Variants in ZFYVE9 observed in about 807,000 individuals in gnomAD.
ZFYVE9 encodes the protein zinc finger FYVE domain-containing protein 9.
Under a neutral mutation model 126.7 loss-of-function variants are expected in ZFYVE9, and 43 were observed. The observed-to-expected ratio is 0.34, with a 90% confidence interval of 0.27 to 0.44. The LOEUF is 0.44. Ranked by LOEUF, ZFYVE9 falls within the 20% of genes least tolerant of loss-of-function variation. The pLI, the probability that ZFYVE9 is intolerant of heterozygous loss-of-function variation, is 1.00. For synonymous variants in ZFYVE9, 521 were observed against 597.4 expected (o/e 0.87, Z 1.87); for missense variants, 1,476 against 1,697.0 (o/e 0.87, Z 2.29).
At chr1:52,254,150 A>G (rs1187247671) in intron 4 of ZFYVE9, 11 of 693,846 alleles carry the variant, frequency 1.6e-5, no homozygotes, top group East Asian at 2.7e-5. Context: ...ATGTACAACT[A>G]TAGATTTCAT....
intron 4 of ZFYVE9, among the ~76,000 whole-genome samples, chr1:52,251,066 GTTTGTTTT>G (rs1645441321): frequency 1.3e-5 from 2 of 149,308 alleles, no homozygotes; most frequent in African/African-American, 5.0e-5. Context: ...GTTGTTGTTT[GTTTGTTTT>G]TTGTTTTTCT....
In ZFYVE9 at chr1:52,274,515, G is replaced by C; in HGVS notation, c.2677G>C (p.Gly893Arg). ...TATAACTCAGGTTGGAAGTCCTGTT[G>C]GAAGTGCAATGAATCTTATTCCTGA... ...GSITQVGSPV[G>R]SAMNLIPEDG... The change falls in exon 8 of 19, where the codon GGA (glycine) becomes CGA (arginine). Residue 893 changes from glycine to arginine, a missense_variant. Gly to Arg is a moderately radical substitution (Grantham distance 125). Around this residue, in one of 2 missense-constraint regions of ZFYVE9, gnomAD observed 669 missense variants for 902.4 expected, o/e 0.74. Coordinates refer to ENST00000287727, the MANE Select transcript of ZFYVE9 (RefSeq NM_004799.4). 1 of 1,612,566 alleles carries C rather than the reference G, an allele frequency of 6.2e-7. No individual in the cohort carries two copies. Among genetic ancestry groups the C allele is most frequent in the Non-Finnish European group, 8.5e-7 (1 of 1,179,032 alleles).
chr1:52,337,788 G>C lies in ZFYVE9; in HGVS notation c.3687G>C (p.Gln1229His), dbSNP rs781149461. The C allele has an allele frequency of 6.2e-7, 1 of 1,614,202 alleles. No individual in the cohort carries two copies. The highest frequency in any genetic ancestry group is 8.5e-7 in the Non-Finnish European group (1 of 1,180,028). ...SSIVEDGVMV[Q>H]ITAENMDSLR... ...GATTCTTAGATGGTGTTATGGTCCA[G>C]ATTACTGCAGAGAACATGGATTCCT... The change falls in exon 16 of 19, where the codon CAG (glutamine) becomes CAC (histidine). Residue 1229 changes from glutamine to histidine, a missense_variant. Transcript: ENST00000287727.
chr1:52,319,230 T>C (rs1220211691), intron 13 of ZFYVE9, among the ~76,000 whole-genome samples: 1 of 152,212 alleles, frequency 6.6e-6, no homozygotes, highest in East Asian at 1.9e-4. Flanking sequence ...ATATATAATA[T>C]TTATGGATTG....
At chr1:52,273,347 A>G (rs961182999) in intron 7 of ZFYVE9, among the ~76,000 whole-genome samples, 2 of 152,162 alleles carry the variant, frequency 1.3e-5, no homozygotes, top group Non-Finnish European at 2.9e-5. Flanking sequence ...TGTTTAAGTT[A>G]TAGAGAATAT....
At chr1:52,225,283 C>T (rs1310181404) in intron 2 of ZFYVE9, among the ~76,000 whole-genome samples, 3 of 152,316 alleles carry the variant, frequency 2.0e-5, no homozygotes, top group East Asian at 1.9e-4. Context: ...GGGGCCACCA[C>T]AACGAGGCAG....
chr1:52,189,247 T>C (rs921047793), intron 1 of ZFYVE9, among the ~76,000 whole-genome samples: 2 of 150,536 alleles, frequency 1.3e-5, no homozygotes, highest in Admixed American at 6.6e-5. Context: ...TATTTTTTTT[T>C]TTTTCTTTAG....
rs192055442 is a variant in ZFYVE9 at position 52,304,119 on chromosome 1, T to A, written c.3438+194T>A. Among the ~76,000 whole-genome samples, 168 of 152,298 alleles carry A rather than the reference T, an allele frequency of 1.1e-3. 1 individual carries two copies. Among genetic ancestry groups the A allele is most frequent in the African/African-American group, 3.9e-3 (161 of 41,568 alleles). ...GTCAAATTTCTGACCTAGTGGTTCA[T>A]TGGATGTGTCATTTTACCTTTTGAT... On this transcript the variant is annotated intron_variant, in intron 13 of 18. Transcript: ENST00000287727.
chr1:52,237,375 T>G (rs757183218), intron 3 of ZFYVE9, 113 bp from the exon 4 acceptor site: 1 of 990,408 alleles, frequency 1.0e-6, no homozygotes, highest in Non-Finnish European at 1.4e-6. Context: ...ATTAGAAATC[T>G]AATATCCTTG....
At chr1:52,331,735 G>C (rs535378751) in intron 13 of ZFYVE9, among the ~76,000 whole-genome samples, 1 of 148,284 alleles carries the variant, frequency 6.7e-6, no homozygotes, top group East Asian at 2.1e-4. Flanking sequence ...TTGGGCAACA[G>C]AGAGAGACCC....
chr1:52,206,801 C>T (rs1004287308), intron 1 of ZFYVE9, among the ~76,000 whole-genome samples: 5 of 152,166 alleles, frequency 3.3e-5, no homozygotes, highest in African/African-American at 1.2e-4. Flanking sequence ...CTGCCCACCT[C>T]GGCCTCCCAA....
chr1:52,153,416 T>A (rs1482253969), intron 1 of ZFYVE9, among the ~76,000 whole-genome samples: 1 of 152,198 alleles, frequency 6.6e-6, no homozygotes, highest in Non-Finnish European at 1.5e-5. Context: ...CTATCATTTC[T>A]GCTGGTGTTG....
At chr1:52,341,565 T>C (rs938163192) in intron 17 of ZFYVE9, among the ~76,000 whole-genome samples, 1 of 152,228 alleles carries the variant, frequency 6.6e-6, no homozygotes, top group Admixed American at 6.5e-5. Flanking sequence ...TTGAACCTCA[T>C]GTATGCTCAT....
chr1:52,206,506 C>T (rs11805369), intron 1 of ZFYVE9, among the ~76,000 whole-genome samples: 7,165 of 152,148 alleles, frequency 0.047, 566 homozygotes, highest in African/African-American at 0.16. Flanking sequence ...GAAACAGAAC[C>T]AGAAGGAGAT....
chr1:52,304,008 CTTATAA>C lies in ZFYVE9; in HGVS notation c.3438+87_3438+92del, dbSNP rs1010345140. On this transcript the variant is annotated intron_variant, in intron 13 of 18. Transcript: ENST00000287727. ...AATGCATGATTATATATAAATTTTA[CTTATAA>C]TTAATTAACAATGAAATCAGTTAAT... 7.2e-6 allele frequency: 6 copies of C among 834,066 alleles called. No individual in the cohort carries two copies. In the African/African-American group the frequency reaches 9.0e-5, roughly 13 times the overall value. 51.7% of individuals were successfully genotyped at this position (834,066 alleles called of 1,614,324 possible).
intron 13 of ZFYVE9, among the ~76,000 whole-genome samples, chr1:52,322,965 C>T (rs1472630033): frequency 6.6e-6 from 1 of 152,058 alleles, no homozygotes. Context: ...CCACCGCGCC[C>T]AGCTAATTTT....
intron 13 of ZFYVE9, among the ~76,000 whole-genome samples, chr1:52,305,809 G>GCTCCTACT (rs1646078582): frequency 6.6e-6 from 1 of 152,172 alleles, no homozygotes; most frequent in African/African-American, 2.4e-5. Flanking sequence ...GGAAATGCCT[G>GCTCCTACT]CTCCTACTGC....
intron 10 of ZFYVE9, among the ~76,000 whole-genome samples, chr1:52,283,060 C>A (rs1160256941): frequency 6.6e-6 from 1 of 152,104 alleles, no homozygotes; most frequent in Admixed American, 6.6e-5. Flanking sequence ...TGTGAAGTAC[C>A]TTTTAATGTT....
intron 4 of ZFYVE9, among the ~76,000 whole-genome samples, chr1:52,245,616 G>T (rs967623742): frequency 2.0e-5 from 3 of 152,238 alleles, no homozygotes; most frequent in Non-Finnish European, 4.4e-5. Context: ...AGTAAGTGAA[G>T]TTACGATTCA....
Sources: gnomAD v4.1 joint callset for allele counts (sites outside exome capture counted in the v4.1 genomes callset) on GRCh38, gnomAD v4.1.1 for gene constraint, gnomAD v4.1.1 regional missense constraint, MANE v1.5 for transcripts, NCBI Gene and HGNC (gene_info 2026-07-23, HGNC 2026-07-21) for gene names.